RHOA: variants seen among roughly 807,000 people sequenced by gnomAD.
RHOA encodes transforming protein RhoA.
Under a neutral mutation model 17.5 loss-of-function variants are expected in RHOA, and 3 were observed. That is an observed-to-expected ratio of 0.17 (90% CI 0.08 to 0.44). The LOEUF (loss-of-function observed/expected upper bound fraction) is 0.44, where lower values mean the gene tolerates loss of function less well. Among genes scored for constraint, RHOA ranks in the 20% least tolerant of loss-of-function variants. RHOA has a pLI of 0.99. For missense variants in RHOA, 56 were observed against 242.3 expected (o/e 0.23, Z 5.10); for synonymous variants, 98 against 88.4 (o/e 1.11, Z -0.61).
chr3:49,389,828 T>C (rs1353022955), intron 1 of RHOA, among the ~76,000 whole-genome samples: 1 of 150,478 alleles, frequency 6.6e-6, no homozygotes, highest in Non-Finnish European at 1.5e-5. Flanking sequence ...TCCCAGCTAC[T>C]TGGGAGGCTG....
chr3:49,405,625 T>TA (rs1379303533), intron 1 of RHOA, among the ~76,000 whole-genome samples: 1 of 152,182 alleles, frequency 6.6e-6, no homozygotes, highest in Non-Finnish European at 1.5e-5. Flanking sequence ...AGTATTTAAC[T>TA]GTCAGTTTCT....
intron 3 of RHOA, among the ~76,000 whole-genome samples, chr3:49,363,296 T>G (rs1262717567): frequency 1.3e-5 from 2 of 152,150 alleles, no homozygotes; most frequent in African/African-American, 4.8e-5. Context: ...GGTGGGCACC[T>G]GTAGTCCCAG....
chr3:49,390,855 G>T (rs2048489879), intron 1 of RHOA, among the ~76,000 whole-genome samples: 1 of 152,032 alleles, frequency 6.6e-6, no homozygotes, highest in Non-Finnish European at 1.5e-5. Context: ...AGCTGAGGCG[G>T]GCAGATTACT....
rs191993330 is a variant in RHOA at position 49,387,002 on chromosome 3, A to T, written c.-2-11411T>A. ...CATGGTGGCGGGTGCCTGTAATCCC[A>T]GCTACTCAGGAGGCTGAGGCAGGAG... is the stretch of plus-strand genomic sequence containing the variant. On this transcript the variant is annotated intron_variant, in intron 1 of 4. Coordinates refer to ENST00000418115, the MANE Select transcript of RHOA (RefSeq NM_001664.4). Among the ~76,000 whole-genome samples, 711 of 151,368 alleles carry T rather than the reference A, an allele frequency of 4.7e-3. 9 individuals carry two copies. Among genetic ancestry groups the T allele is most frequent in the African/African-American group, 0.016 (641 of 41,250 alleles).
At chr3:49,402,351 A>AGAAATTATATAT (rs2048739584) in intron 1 of RHOA, among the ~76,000 whole-genome samples, 1 of 152,044 alleles carries the variant, frequency 6.6e-6, no homozygotes, top group Non-Finnish European at 1.5e-5. Context: ...CTTATTGTAA[A>AGAAATTATATAT]CCTTATTGCA....
chr3:49,389,207 C>T (rs988435271), intron 1 of RHOA, among the ~76,000 whole-genome samples: 1 of 151,998 alleles, frequency 6.6e-6, no homozygotes, highest in Non-Finnish European at 1.5e-5. Flanking sequence ...ATCAGCCAGG[C>T]CTGGTGGCGT....
intron 3 of RHOA, among the ~76,000 whole-genome samples, chr3:49,363,963 C>A (rs1179059380): frequency 6.6e-6 from 1 of 152,082 alleles, no homozygotes; most frequent in East Asian, 1.9e-4. Context: ...GTGGGAGGAT[C>A]ACTGGAGTCC....
intron 2 of RHOA, among the ~76,000 whole-genome samples, chr3:49,374,536 T>C (rs1240005240): frequency 6.6e-6 from 1 of 151,558 alleles, no homozygotes; most frequent in Non-Finnish European, 1.5e-5. Context: ...CTGGCCAACA[T>C]GGCAAAATTG....
At chr3:49,379,914 GA>G (rs952398266) in intron 1 of RHOA, among the ~76,000 whole-genome samples, 18 of 152,286 alleles carry the variant, frequency 1.2e-4, no homozygotes, top group African/African-American at 4.3e-4. Context: ...CCAGTGGGGG[GA>G]AAAAAGAGAG....
intron 1 of RHOA, among the ~76,000 whole-genome samples, chr3:49,393,594 G>C (rs1575670142): frequency 8.5e-6 from 1 of 118,130 alleles, no homozygotes. Context: ...CACTGCACTG[G>C]CTTTTTTTTT....
At chr3:49,400,364 G>A (rs1050412192) in intron 1 of RHOA, among the ~76,000 whole-genome samples, 3 of 151,838 alleles carry the variant, frequency 2.0e-5, no homozygotes, top group African/African-American at 7.3e-5. Context: ...TCAGGCCAAG[G>A]GTTGATTCCC....
intron 2 of RHOA, among the ~76,000 whole-genome samples, chr3:49,372,665 C>A (rs188198257): frequency 1.3e-3 from 178 of 138,884 alleles, no homozygotes; most frequent in Non-Finnish European, 2.1e-3. Context: ...ACCCAGGAGG[C>A]AGAGGTTGCA....
In RHOA at chr3:49,398,927, C is replaced by G. The variant is rs1053687402; in HGVS notation, c.-3+12893G>C. Among the ~76,000 whole-genome samples, 13 of 147,134 alleles carry G rather than the reference C, an allele frequency of 8.8e-5. No individual in the cohort carries two copies. The Middle Eastern group carries it at 0.018, about 204-fold the overall frequency. On this transcript the variant is annotated intron_variant, in intron 1 of 4. Coordinates refer to ENST00000418115, the MANE Select transcript of RHOA (RefSeq NM_001664.4). ...TTACAGGGCTTTAATACTGGTGGCT[C>G]ACGCCTGTAATCCCAGTTATTTGGG...
At chr3:49,385,406 G>C (rs962592320) in intron 1 of RHOA, among the ~76,000 whole-genome samples, 3 of 151,756 alleles carry the variant, frequency 2.0e-5, no homozygotes, top group Admixed American at 2.0e-4. Flanking sequence ...AGTAGAGACG[G>C]GGTTTTACCA....
intron 1 of RHOA, among the ~76,000 whole-genome samples, chr3:49,409,042 C>G (rs1254556807): frequency 1.3e-5 from 2 of 151,512 alleles, no homozygotes; most frequent in African/African-American, 4.8e-5. Flanking sequence ...CCCGCCTCGG[C>G]CTCCCAAAGT....
chr3:49,362,730 A>G, intron 3 of RHOA, 104 bp from the exon 4 acceptor site: 1 of 925,658 alleles, frequency 1.1e-6, no homozygotes, highest in Non-Finnish European at 1.6e-6. Context: ...GTGGCTTCAG[A>G]AAAATGCTAG....
At chr3:49,372,115 A>G (rs1013026313) in intron 2 of RHOA, among the ~76,000 whole-genome samples, 3 of 152,204 alleles carry the variant, frequency 2.0e-5, no homozygotes, top group Non-Finnish European at 4.4e-5. Flanking sequence ...TGGTGCATCA[A>G]TCTAAGTTAG....
At chr3:49,383,176 G>GT (rs1402276312) in intron 1 of RHOA, among the ~76,000 whole-genome samples, 3 of 152,094 alleles carry the variant, frequency 2.0e-5, no homozygotes, top group Non-Finnish European at 4.4e-5. Context: ...GCTCACGCCT[G>GT]TAATTCCAGC....
intron 1 of RHOA, among the ~76,000 whole-genome samples, chr3:49,377,619 A>AT (rs2048251060): frequency 6.6e-6 from 1 of 150,502 alleles, no homozygotes; most frequent in African/African-American, 2.4e-5. Flanking sequence ...AAGAAAAAAA[A>AT]AAAAATCAGC....
Sources: allele counts gnomAD v4.1 joint callset (sites outside exome capture counted in the v4.1 genomes callset), GRCh38; gene constraint gnomAD v4.1.1; transcripts MANE v1.5; gene names NCBI Gene and HGNC (gene_info 2026-07-23, HGNC 2026-07-21).